The following ALX4 variants were observed in gnomAD, a reference collection of about 807,000 sequenced individuals.
ALX4 encodes homeobox protein aristaless-like 4.
ALX4 carries 22 observed loss-of-function variants against 40.6 expected under a neutral mutation model. The ratio of observed to expected loss-of-function variants is 0.54; its 90% confidence interval spans 0.39 to 0.77. The LOEUF (loss-of-function observed/expected upper bound fraction) is 0.77. Ranked by LOEUF, ALX4 falls within the 30% of genes least tolerant of loss-of-function variation. The probability of loss-of-function intolerance (pLI) is 0.00; values close to 1 mark genes in which losing one functional copy is unlikely to be tolerated. For missense variants in ALX4, 556 were observed against 564.8 expected, an observed-to-expected ratio of 0.98 and a Z score of 0.16; for synonymous variants, 266 against 240.5, an observed-to-expected ratio of 1.11 and a Z score of -0.98.
At chr11:44,300,803 CAA>C (rs1413368305) in intron 1 of ALX4, among the ~76,000 whole-genome samples, 1 of 152,228 alleles carries the variant, frequency 6.6e-6, no homozygotes, top group African/African-American at 2.4e-5. Context: ...AGGAGAAAGT[CAA>C]GAGAGAAGAA....
intron 1 of ALX4, among the ~76,000 whole-genome samples, chr11:44,287,132 C>T (rs1390812674): frequency 1.3e-5 from 2 of 152,234 alleles, no homozygotes; most frequent in African/African-American, 2.4e-5. Context: ...GGGTCTGCCA[C>T]CCCGTCCTCC....
chr11:44,309,527 C>T, intron 1 of ALX4, 70 bp downstream of exon 1: 1 of 1,526,346 alleles, frequency 6.6e-7, no homozygotes, highest in African/African-American at 1.4e-5. Context: ...CGCAAGCCAC[C>T]AGTTTCAAGG....
chr11:44,290,934 T>TATGATCTGGGG (rs1328026081), intron 1 of ALX4, among the ~76,000 whole-genome samples: 1 of 152,170 alleles, frequency 6.6e-6, no homozygotes, highest in Admixed American at 6.5e-5. Context: ...TTAACACAGT[T>TATGATCTGGGG]ATGATCTGGG....
At chr11:44,266,183 CCT>C (rs1159488456) in intron 3 of ALX4, among the ~76,000 whole-genome samples, 3 of 152,230 alleles carry the variant, frequency 2.0e-5, no homozygotes, top group Non-Finnish European at 4.4e-5. Flanking sequence ...TCCATCACCC[CCT>C]CTCAGAAGAG....
intron 1 of ALX4, among the ~76,000 whole-genome samples, chr11:44,301,008 C>T (rs1240618878): frequency 1.3e-5 from 2 of 152,260 alleles, no homozygotes; most frequent in African/African-American, 4.8e-5. Context: ...ATCTCAGGGC[C>T]CATCCCACTG....
intron 1 of ALX4, among the ~76,000 whole-genome samples, chr11:44,291,698 G>A (rs1034363230): frequency 6.6e-6 from 1 of 152,140 alleles, no homozygotes; most frequent in Non-Finnish European, 1.5e-5. Flanking sequence ...GAGCCATTGC[G>A]CCTGGCCAAA....
intron 2 of ALX4, among the ~76,000 whole-genome samples, chr11:44,270,287 G>T (rs900983404): frequency 1.2e-4 from 19 of 152,160 alleles, no homozygotes; most frequent in African/African-American, 4.6e-4. Flanking sequence ...TTTGGAACAG[G>T]AGTGGAAGAA....
chr11:44,289,164 C>G (rs778730102), intron 1 of ALX4, among the ~76,000 whole-genome samples: 7 of 152,142 alleles, frequency 4.6e-5, no homozygotes, highest in Non-Finnish European at 1.0e-4. Context: ...TTGAAAAGGT[C>G]GGAGAAGGCC....
intron 1 of ALX4, among the ~76,000 whole-genome samples, chr11:44,279,484 G>A (rs758940476): frequency 6.6e-6 from 1 of 152,222 alleles, no homozygotes; most frequent in African/African-American, 2.4e-5. Flanking sequence ...TGGAGTGTCA[G>A]CATGGTAGCT....
At chr11:44,267,704 C>G (rs1221765496) in intron 2 of ALX4, 82 bp from the exon 3 acceptor site, 1 of 1,593,840 alleles carries the variant, frequency 6.3e-7, no homozygotes. Context: ...AAACTGTTCC[C>G]TTGAGCCCCC....
intron 1 of ALX4, among the ~76,000 whole-genome samples, chr11:44,296,385 C>T (rs746263496): frequency 6.6e-6 from 1 of 152,166 alleles, no homozygotes; most frequent in Non-Finnish European, 1.5e-5. Context: ...CCTCCTGACA[C>T]TGGAGTTATT....
At chr11:44,280,112 G>A (rs149846519) in intron 1 of ALX4, among the ~76,000 whole-genome samples, 1,794 of 152,282 alleles carry the variant, frequency 0.012, 22 homozygotes, top group South Asian at 0.02. Context: ...AAAAGGGCAC[G>A]CAATGACGAA....
intron 1 of ALX4, among the ~76,000 whole-genome samples, chr11:44,297,324 C>T (rs973093086): frequency 1.3e-5 from 2 of 152,178 alleles, no homozygotes; most frequent in African/African-American, 4.8e-5. Flanking sequence ...AAAGCAAAGG[C>T]CATACTGAAC....
In ALX4 at chr11:44,275,493, T is replaced by G. The variant is rs1226922208; in HGVS notation, c.632A>C (p.Lys211Thr). 2 of 1,613,948 alleles carry G rather than the reference T, an allele frequency of 1.2e-6. No homozygotes were observed. Among genetic ancestry groups the G allele is most frequent in the African/African-American group, 2.7e-5 (2 of 74,920 alleles). The change falls in exon 2 of 4, where the codon AAG becomes ACG. Residue 211 changes from lysine (K) to threonine (T), a missense_variant. Transcript: ENST00000652299. ...PLEKADSESN[K>T]GKKRRNRTTF... Reference sequence around the variant, plus strand: ...GGTCCGGTTCCGCCGCTTCTTGCCCTTGTTGCTCTCTGAGTCGGCCTTCTC... The same window carrying G: ...GGTCCGGTTCCGCCGCTTCTTGCCCGTGTTGCTCTCTGAGTCGGCCTTCTC...
chr11:44,304,129 C>T (rs575277559), intron 1 of ALX4, among the ~76,000 whole-genome samples: 2 of 152,342 alleles, frequency 1.3e-5, no homozygotes, highest in African/African-American at 4.8e-5. Context: ...CACTCGAATT[C>T]CCCCGGACGG....
chr11:44,273,069 G>T (rs191728086), intron 2 of ALX4, among the ~76,000 whole-genome samples: 3 of 152,058 alleles, frequency 2.0e-5, no homozygotes, highest in Admixed American at 1.3e-4. Context: ...CAATGCTGCT[G>T]AAGATGCTTT....
intron 2 of ALX4, among the ~76,000 whole-genome samples, chr11:44,271,343 T>C (rs1956246205): frequency 6.6e-6 from 1 of 152,222 alleles, no homozygotes; most frequent in South Asian, 2.1e-4. Context: ...CCAGTCGCAG[T>C]GCTGCTACTG....
intron 1 of ALX4, among the ~76,000 whole-genome samples, chr11:44,289,411 C>T (rs1956357143): frequency 6.6e-6 from 1 of 152,200 alleles, no homozygotes; most frequent in Non-Finnish European, 1.5e-5. Flanking sequence ...ACTATCTCCT[C>T]TGACCCTCCC....
chr11:44,287,429 C>T (rs1220152481), intron 1 of ALX4, among the ~76,000 whole-genome samples: 1 of 151,938 alleles, frequency 6.6e-6, no homozygotes, highest in Non-Finnish European at 1.5e-5. Flanking sequence ...GCCCCAGAAA[C>T]TGAGGCCAGA....
Sources: allele counts gnomAD v4.1 joint callset (sites outside exome capture counted in the v4.1 genomes callset), GRCh38; gene constraint gnomAD v4.1.1; transcripts MANE v1.5; gene names NCBI Gene and HGNC (gene_info 2026-07-23, HGNC 2026-07-21).